The following FBXO16 variants were observed in gnomAD, a reference collection of about 807,000 sequenced individuals.
FBXO16 encodes F-box protein 16.
A neutral mutation model predicts 41.0 loss-of-function variants in FBXO16; 31 were observed. That is an observed-to-expected ratio of 0.76 (90% CI 0.57 to 1.02). The LOEUF (loss-of-function observed/expected upper bound fraction) is 1.02, where lower values mean the gene tolerates loss of function less well. Among genes scored for constraint, FBXO16 ranks in the 50% least tolerant of loss-of-function variants. FBXO16 has a pLI of 0.00. For missense variants in FBXO16, 361 were observed against 346.2 expected (o/e 1.04, Z -0.34); for synonymous variants, 133 against 117.8 (o/e 1.13, Z -0.84).
chr8:28,472,043 T>G (rs1356650041), intron 3 of FBXO16, among the ~76,000 whole-genome samples: 4 of 152,134 alleles, frequency 2.6e-5, no homozygotes, highest in African/African-American at 9.7e-5. Context: ...ATGGGTAAAC[T>G]GTGCTGGTTA....
At chr8:28,482,970 C>T (rs1202954920) in intron 2 of FBXO16, among the ~76,000 whole-genome samples, 7 of 152,120 alleles carry the variant, frequency 4.6e-5, no homozygotes, top group Non-Finnish European at 7.3e-5. Flanking sequence ...TGCAGCATTA[C>T]CCAGCAACCT....
At chr8:28,432,590 C>A (rs933053586) in intron 7 of FBXO16, among the ~76,000 whole-genome samples, 13 of 152,128 alleles carry the variant, frequency 8.5e-5, no homozygotes, top group Admixed American at 6.6e-5. Context: ...TGAACCATAC[C>A]GATAGATATT....
intron 7 of FBXO16, 173 bp downstream of exon 7, chr8:28,446,998 A>G: frequency 1.8e-6 from 1 of 562,468 alleles, no homozygotes; most frequent in South Asian, 2.5e-5. Flanking sequence ...GAGATTAAAT[A>G]AAGTGTATCT....
At chr8:28,441,910 ATGTG>A (rs1175392833) in intron 7 of FBXO16, among the ~76,000 whole-genome samples, 90 of 107,884 alleles carry the variant, frequency 8.3e-4, no homozygotes, top group South Asian at 2.6e-3. Context: ...GTATATATAT[ATGTG>A]TGTGTGTGTG....
chr8:28,479,919 A>G (rs1007250558), intron 2 of FBXO16, among the ~76,000 whole-genome samples: 3 of 151,218 alleles, frequency 2.0e-5, no homozygotes, highest in Admixed American at 2.0e-4. Context: ...TTTTTTAAAT[A>G]AAGATGAGGT....
At chr8:28,460,387 AG>A (rs1803112897) in intron 4 of FBXO16, among the ~76,000 whole-genome samples, 2 of 142,110 alleles carry the variant, frequency 1.4e-5, no homozygotes, top group Admixed American at 7.3e-5. Flanking sequence ...CCTCTCAAGT[AG>A]CTGGGACTCT....
In FBXO16 at chr8:28,452,267, G is replaced by A; in HGVS notation, c.717C>T (p.Asp239=). 1 of 1,614,204 alleles carries A rather than the reference G, an allele frequency of 6.2e-7. No individual in the cohort carries two copies. Among genetic ancestry groups the A allele is most frequent in the Non-Finnish European group, 8.5e-7 (1 of 1,180,038 alleles). The change falls in exon 6 of 9, where the codon GAC becomes GAT. Residue 239 remains aspartate, a synonymous_variant. Coordinates refer to ENST00000380254, the MANE Select transcript of FBXO16 (RefSeq NM_172366.4). ...ACCCTTGCTGGACAGTCTCCATGGG[G>A]TCACGGTTGTCTAGGTAATTAAAAC... ...IIRFNYLDNR[D]PMETVQQGRR... is the part of the protein sequence containing the mutation.
intron 3 of FBXO16, among the ~76,000 whole-genome samples, chr8:28,466,557 C>T (rs576457103): frequency 6.6e-6 from 1 of 151,434 alleles, no homozygotes; most frequent in Non-Finnish European, 1.5e-5. Context: ...TTTGGGAGGC[C>T]GAGGTGGGTG....
chr8:28,479,868 G>A (rs1356539608), intron 2 of FBXO16, among the ~76,000 whole-genome samples: 1 of 151,022 alleles, frequency 6.6e-6, no homozygotes, highest in African/African-American at 2.4e-5. Flanking sequence ...CCATAGGCAT[G>A]CACCATCACG....
intron 4 of FBXO16, among the ~76,000 whole-genome samples, chr8:28,461,981 C>G (rs556610205): frequency 3.9e-5 from 6 of 152,174 alleles, no homozygotes; most frequent in Admixed American, 3.9e-4. Context: ...ACTCTGTTGC[C>G]CAGGCTGTTG....
chr8:28,479,282 T>A (rs1343620946), intron 2 of FBXO16, among the ~76,000 whole-genome samples: 4 of 152,172 alleles, frequency 2.6e-5, no homozygotes, highest in African/African-American at 9.7e-5. Flanking sequence ...TTGCCCTGCA[T>A]CTGACCCTTT....
chr8:28,428,983 A>G (rs1420992469), intron 8 of FBXO16, among the ~76,000 whole-genome samples: 2 of 152,092 alleles, frequency 1.3e-5, no homozygotes, highest in African/African-American at 2.4e-5. Context: ...TCAAGATCAC[A>G]TGTGGTAGAG....
At chr8:28,480,105 C>A (rs78018579) in intron 2 of FBXO16, among the ~76,000 whole-genome samples, 4,366 of 152,166 alleles carry the variant, frequency 0.029, 218 homozygotes, top group African/African-American at 0.098. Flanking sequence ...CTCTCTCCCT[C>A]TTTCTCTGCC....
intron 7 of FBXO16, among the ~76,000 whole-genome samples, chr8:28,441,539 C>G (rs985096166): frequency 6.6e-6 from 1 of 151,998 alleles, no homozygotes; most frequent in African/African-American, 2.4e-5. Flanking sequence ...AGTTTGAGAC[C>G]AGCCTGGCCA....
intron 4 of FBXO16, among the ~76,000 whole-genome samples, chr8:28,462,423 C>T (rs1053486812): frequency 7.2e-5 from 11 of 152,004 alleles, no homozygotes; most frequent in East Asian, 5.8e-4. Context: ...GGACTACAGG[C>T]GCCCGCCACC....
At chr8:28,433,361 A>C (rs576841403) in intron 7 of FBXO16, among the ~76,000 whole-genome samples, 3 of 152,312 alleles carry the variant, frequency 2.0e-5, no homozygotes, top group Admixed American at 6.5e-5. Flanking sequence ...CAGCGCCTGA[A>C]TCTTCCATGG....
chr8:28,487,479 C>T (rs1051045634), intron 1 of FBXO16, among the ~76,000 whole-genome samples: 19 of 148,262 alleles, frequency 1.3e-4, no homozygotes, highest in East Asian at 7.9e-4. Flanking sequence ...ACTGCACCTA[C>T]GCTTCCCAGG....
At chr8:28,430,693 C>T (rs1802592459) in intron 7 of FBXO16, among the ~76,000 whole-genome samples, 1 of 152,136 alleles carries the variant, frequency 6.6e-6, no homozygotes, top group Non-Finnish European at 1.5e-5. Context: ...GTTGAATGGC[C>T]AGGCGCAGTG....
At chr8:28,484,869 C>T (rs971120716) in intron 1 of FBXO16, among the ~76,000 whole-genome samples, 6 of 152,054 alleles carry the variant, frequency 3.9e-5, no homozygotes, top group Non-Finnish European at 7.4e-5. Flanking sequence ...GCTGGGATTA[C>T]AGGCGTGAGC....
Sources: allele counts gnomAD v4.1 joint callset (sites outside exome capture counted in the v4.1 genomes callset), GRCh38; gene constraint gnomAD v4.1.1; transcripts MANE v1.5; gene names NCBI Gene and HGNC (gene_info 2026-07-23, HGNC 2026-07-21).